Variants in MYO16 observed in about 807,000 individuals in gnomAD.
The protein encoded by MYO16 is unconventional myosin-XVI.
A neutral mutation model predicts 205.3 loss-of-function variants in MYO16; 94 were observed. That is an observed-to-expected ratio of 0.46 (90% CI 0.39 to 0.54). The LOEUF (loss-of-function observed/expected upper bound fraction) is 0.54. MYO16 is among the 20% of genes least tolerant of loss of function. MYO16 has a pLI of 0.00. For missense variants in MYO16, 2,315 were observed against 2,387.5 expected (o/e 0.97, Z 0.63); for synonymous variants, 988 against 954.0 (o/e 1.04, Z -0.66).
chr13:108,627,942 G>A (rs1293552453), upstream of MYO16, among the ~76,000 whole-genome samples: 1 of 152,070 alleles, frequency 6.6e-6, no homozygotes, highest in East Asian at 1.9e-4. Context: ...AGGGGGTAGG[G>A]ACATCTACAT....
chr13:109,075,047 T>C (rs1050422923), intron 27 of MYO16, among the ~76,000 whole-genome samples: 21 of 152,228 alleles, frequency 1.4e-4, no homozygotes, highest in African/African-American at 4.8e-4. Context: ...TAGTCCGTTC[T>C]TTTTTATTGC....
At chr13:108,816,096 A>G in intron 7 of MYO16, among the ~76,000 whole-genome samples, 1 of 152,164 alleles carries the variant, frequency 6.6e-6, no homozygotes, top group East Asian at 1.9e-4. Context: ...ATGGTGCTGG[A>G]CCGTCCGGGC....
intron 23 of MYO16, among the ~76,000 whole-genome samples, chr13:109,040,130 A>G (rs1288025696): frequency 1.3e-5 from 2 of 152,222 alleles, no homozygotes; most frequent in South Asian, 2.1e-4. Flanking sequence ...ACCCAATATG[A>G]AATAGACAAT....
chr13:108,505,605 C>T, the MYO16 span, among the ~76,000 whole-genome samples: 1 of 151,916 alleles, frequency 6.6e-6, no homozygotes, highest in South Asian at 2.1e-4. Flanking sequence ...TTTGAAAATA[C>T]TTTCTCCCAT....
chr13:108,687,958 A>T (rs960353345), intron 2 of MYO16, among the ~76,000 whole-genome samples: 1 of 152,158 alleles, frequency 6.6e-6, no homozygotes, highest in African/African-American at 2.4e-5. Context: ...ATATTACATG[A>T]GGAAGAGGCA....
chr13:109,135,421 A>G (rs528073629), intron 31 of MYO16, among the ~76,000 whole-genome samples: 1 of 152,174 alleles, frequency 6.6e-6, no homozygotes, highest in Non-Finnish European at 1.5e-5. Flanking sequence ...ATAATTCCCA[A>G]TCCACAAGAG....
chr13:108,806,615 T>C, intron 6 of MYO16, 64 bp from the exon 7 acceptor site: 1 of 1,462,278 alleles, frequency 6.8e-7, no homozygotes. Context: ...TTTAAACCAC[T>C]GAGTGAACTG....
rs762972415 is a variant in MYO16, at chr13:109,127,933, CATATG to C, written c.4051+387_4051+391del. On this transcript the variant is annotated intron_variant, in intron 31 of 34. Transcript: ENST00000457511. The surrounding 1 kb of genome is among the most constrained non-coding windows in gnomAD (Gnocchi z 4.2). ...TAATAAAAAATTAAGACTGCTTCATCATATGATAAGTGAAATTATTTACCCATAGG... is the reference window on the plus strand; with the variant it reads ...TAATAAAAAATTAAGACTGCTTCATCATAAGTGAAATTATTTACCCATAGG... Among the ~76,000 whole-genome samples, 46 of 150,922 alleles carry C rather than the reference CATATG, an allele frequency of 3.0e-4. No individual in the cohort carries two copies. Among genetic ancestry groups the C allele is most frequent in the Non-Finnish European group, 5.9e-4 (40 of 67,918 alleles).
Position 108,673,420 on chromosome 13 carries a change from G to GTTTA in MYO16, c.292+7272_292+7275dup, listed in dbSNP as rs537972933. On this transcript the variant is annotated intron_variant, in intron 2 of 34. Transcript: ENST00000457511. Reference sequence around the variant, plus strand: ...TTATTTACTACTTAATATGCCAAATGTTTACTAAGGGCCTGTTTCAGTCCA... The same window carrying GTTTA: ...TTATTTACTACTTAATATGCCAAATGTTTATTTACTAAGGGCCTGTTTCAGTCCA... 2.2e-3 allele frequency among the ~76,000 whole-genome samples: 317 copies of GTTTA among 141,202 alleles called. 3 individuals carry two copies. Among genetic ancestry groups the GTTTA allele is most frequent in the Non-Finnish European group, 3.8e-3 (248 of 65,210 alleles). 92.6% of individuals were successfully genotyped at this position (141,202 alleles called of 152,430 possible). A position where few individuals can be genotyped will look rare whatever the true frequency, so the allele number is the denominator to read the frequency against.
Position 108,700,114 on chromosome 13 carries a change from CT to C in MYO16, c.293-12545del, listed in dbSNP as rs1883241506. ...TTGGGAGGCTGAGGTGGGTGGATCA[CT>C]TGAGGCCAGGAGTTTGAGACCAGCC... On this transcript the variant is annotated intron_variant, in intron 2 of 34. Coordinates refer to ENST00000457511, the MANE Select transcript of MYO16 (RefSeq NM_001198950.3). 2.0e-5 allele frequency among the ~76,000 whole-genome samples: 3 copies of C among 152,172 alleles called. 1 individual carries two copies. Among genetic ancestry groups the C allele is most frequent in the African/African-American group, 7.2e-5 (3 of 41,514 alleles).
In MYO16 at chr13:109,019,928, G is replaced by T; in HGVS notation, c.2796+17G>T. 1 of 1,611,114 alleles carries T rather than the reference G, an allele frequency of 6.2e-7. No homozygotes were observed. Among genetic ancestry groups the T allele is most frequent in the East Asian group, 2.2e-5 (1 of 44,838 alleles). ...GCAGGAAGGGTAAGTGGCCAGAACT[G>T]CATAATTTTTCATGTGCACTAATGA... On this transcript the variant is annotated intron_variant, in intron 23 of 34. Transcript: ENST00000457511.
chr13:108,979,815 T>C (rs1884392101), intron 20 of MYO16, among the ~76,000 whole-genome samples: 1 of 152,126 alleles, frequency 6.6e-6, no homozygotes, highest in Non-Finnish European at 1.5e-5. Flanking sequence ...AAAAAAGTAT[T>C]GGGGTTTTAC....
intron 32 of MYO16, among the ~76,000 whole-genome samples, chr13:109,156,677 T>C (rs1328890381): frequency 6.6e-6 from 1 of 152,106 alleles, no homozygotes; most frequent in Admixed American, 6.5e-5. Flanking sequence ...CCCTGCTTCC[T>C]GGCCTTTCCC....
At chr13:108,551,629 A>AT in the MYO16 span, among the ~76,000 whole-genome samples, 4 of 151,914 alleles carry the variant, frequency 2.6e-5, no homozygotes, top group Non-Finnish European at 5.9e-5. Flanking sequence ...ACATGATCAT[A>AT]TTTTTTTGCT....
intron 27 of MYO16, among the ~76,000 whole-genome samples, chr13:109,084,064 A>T (rs1888362782): frequency 6.6e-6 from 1 of 152,242 alleles, no homozygotes; most frequent in African/African-American, 2.4e-5. Flanking sequence ...TGTATTTTAG[A>T]TGTTTAAAAT....
chr13:108,634,880 T>TC (rs1478548565), intron 1 of MYO16, among the ~76,000 whole-genome samples: 3 of 152,166 alleles, frequency 2.0e-5, no homozygotes, highest in African/African-American at 7.2e-5. Context: ...ATCTATATTT[T>TC]CCCACATATG....
chr13:108,931,743 T>C (rs906336676), intron 16 of MYO16, among the ~76,000 whole-genome samples: 1 of 152,176 alleles, frequency 6.6e-6, no homozygotes, highest in African/African-American at 2.4e-5. Context: ...TCTGTGTACA[T>C]GGGGGTGGGT....
chr13:108,570,464 G>A, the MYO16 span, among the ~76,000 whole-genome samples: 1 of 152,076 alleles, frequency 6.6e-6, no homozygotes, highest in Non-Finnish European at 1.5e-5. Flanking sequence ...TGCCCAGCCT[G>A]ATCTAAAACT....
chr13:108,726,934 G>A (rs1035319780), intron 3 of MYO16, among the ~76,000 whole-genome samples: 3 of 151,326 alleles, frequency 2.0e-5, no homozygotes, highest in Non-Finnish European at 4.4e-5. Context: ...GCTGTGAAAC[G>A]TGACTAGGGT....
Sources: gnomAD v4.1 joint callset for allele counts (sites outside exome capture counted in the v4.1 genomes callset) on GRCh38, gnomAD v4.1.1 for gene constraint, Gnocchi (gnomAD v3.1) non-coding constraint, MANE v1.5 for transcripts, NCBI Gene and HGNC (gene_info 2026-07-23, HGNC 2026-07-21) for gene names.